SND1: variants seen among roughly 807,000 people sequenced by gnomAD.
SND1 encodes the protein staphylococcal nuclease domain-containing protein 1.
In SND1, 38 loss-of-function variants were observed where a neutral mutation model predicts 121.7. The ratio of observed to expected loss-of-function variants is 0.31; its 90% CI spans 0.24 to 0.41. The LOEUF (loss-of-function observed/expected upper bound fraction) is 0.41, where lower values mean the gene tolerates loss of function less well. Among genes scored for constraint, SND1 ranks in the 10% least tolerant of loss-of-function variants. The pLI is 1.00. For missense variants in SND1, 868 were observed against 1,184.6 expected (o/e 0.73, Z 3.92); for synonymous variants, 401 against 447.4 (o/e 0.90, Z 1.31).
chr7:128,091,744 G>A, intron 22 of SND1, 93 bp from the exon 23 acceptor site: 2 of 1,322,596 alleles, frequency 1.5e-6, no homozygotes, highest in Non-Finnish European at 1.1e-6. Flanking sequence ...GCAAGGGAGA[G>A]CTCTGGCGCT....
At chr7:127,873,084 C>T (rs563579333) in intron 12 of SND1, among the ~76,000 whole-genome samples, 5 of 152,256 alleles carry the variant, frequency 3.3e-5, no homozygotes, top group Admixed American at 1.3e-4. Flanking sequence ...ATGCCGTTCA[C>T]GGATATTTCT....
intron 9 of SND1, 59 bp from the exon 10 acceptor site, chr7:127,721,228 C>G: frequency 8.3e-7 from 1 of 1,202,638 alleles, no homozygotes; most frequent in Non-Finnish European, 1.2e-6. Flanking sequence ...GGGCCTTGCT[C>G]TTGGACATGT....
chr7:127,915,432 C>G (rs1195834680), intron 14 of SND1, among the ~76,000 whole-genome samples: 1 of 152,220 alleles, frequency 6.6e-6, no homozygotes, highest in Non-Finnish European at 1.5e-5. Context: ...AGTTCTTTTA[C>G]TGCCTCTTTA....
Position 128,029,989 on chromosome 7 carries a change from C to G in SND1, c.1779+38933C>G. The G allele has an allele frequency of 6.2e-7, 1 of 1,613,144 alleles. No homozygotes were observed. Among genetic ancestry groups the G allele is most frequent in the South Asian group, 1.1e-5 (1 of 91,084 alleles). ...GACATCTCCAGCTCCTCCAGCCCCA[C>G]CAGGGGGGTGAGATTGGGCATGTCT... is the stretch of plus-strand genomic sequence containing the variant. On this transcript the variant is annotated intron_variant, in intron 16 of 23. Transcript: ENST00000354725. The surrounding 1 kb of genome is among the most constrained non-coding windows in gnomAD (Gnocchi z 4.2).
At chr7:127,738,818 G>T (rs1796825965) in intron 10 of SND1, among the ~76,000 whole-genome samples, 1 of 152,038 alleles carries the variant, frequency 6.6e-6, no homozygotes. Context: ...TGCTTTAGGG[G>T]GTCACCCTGT....
At chr7:127,914,794 A>C (rs1800537092) in intron 14 of SND1, among the ~76,000 whole-genome samples, 1 of 152,148 alleles carries the variant, frequency 6.6e-6, no homozygotes, top group Admixed American at 6.5e-5. Context: ...CACTGGCTCT[A>C]ACATTAGATT....
At chr7:127,771,634 A>AC (rs1225282865) in intron 10 of SND1, among the ~76,000 whole-genome samples, 1 of 152,016 alleles carries the variant, frequency 6.6e-6, no homozygotes, top group Non-Finnish European at 1.5e-5. Context: ...CTTAAAAAGC[A>AC]CCCCCCTATA....
At chr7:127,867,232 A>G (rs1278611866) in intron 12 of SND1, among the ~76,000 whole-genome samples, 1 of 152,058 alleles carries the variant, frequency 6.6e-6, no homozygotes, top group East Asian at 1.9e-4. Context: ...CTTTACTTTT[A>G]CTTGACCTCT....
intron 10 of SND1, among the ~76,000 whole-genome samples, chr7:127,753,394 ATGT>A (rs1198616468): frequency 6.6e-6 from 1 of 152,002 alleles, no homozygotes; most frequent in African/African-American, 2.4e-5. Flanking sequence ...TAGGAGGCAG[ATGT>A]TGTTTGTAGG....
intron 10 of SND1, among the ~76,000 whole-genome samples, chr7:127,793,961 T>TAA (rs1486408713): frequency 2.0e-5 from 3 of 152,310 alleles, no homozygotes; most frequent in Admixed American, 2.0e-4. Flanking sequence ...TATATATATA[T>TAA]AATGAAATTG....
At chr7:128,026,017 A>G (rs1413843940) in intron 16 of SND1, among the ~76,000 whole-genome samples, 5 of 121,908 alleles carry the variant, frequency 4.1e-5, no homozygotes, top group Non-Finnish European at 7.7e-5. Flanking sequence ...AATAGCTGTC[A>G]AAAAAAAAAA....
chr7:127,943,993 C>G (rs997464522), intron 15 of SND1, among the ~76,000 whole-genome samples: 8 of 152,238 alleles, frequency 5.3e-5, no homozygotes, highest in African/African-American at 1.9e-4. Flanking sequence ...CCTCAGCTGC[C>G]AAGCCATCCA....
In SND1 at chr7:127,703,179, A is replaced by G. The variant is rs1359831641; in HGVS notation, c.696A>G (p.Arg232=). The change falls in exon 7 of 24, where the codon CGA becomes CGG. Residue 232 remains arginine, a synonymous_variant. Coordinates refer to ENST00000354725, the MANE Select transcript of SND1 (RefSeq NM_014390.4). The stretch of plus-strand genomic sequence containing the variant: ...CTTTGCTTTAGTGCCCAACTTTTCG[A>G]CGGGAAGCAGATGGCAGTGAAACTC... The part of the protein sequence containing the change: ...MLSGIKCPTF[R]READGSETPE... The G allele has an allele frequency of 1.2e-6, 2 of 1,614,060 alleles. No individual in the cohort carries two copies. Among genetic ancestry groups the G allele is most frequent in the Admixed American group, 3.3e-5 (2 of 60,028 alleles).
intron 9 of SND1, among the ~76,000 whole-genome samples, chr7:127,714,912 G>A (rs978001394): frequency 1.3e-5 from 2 of 152,106 alleles, no homozygotes; most frequent in African/African-American, 4.8e-5. Context: ...GGACACACTT[G>A]GGTTGCTTCT....
intron 10 of SND1, among the ~76,000 whole-genome samples, chr7:127,731,250 C>T (rs1434739636): frequency 6.6e-6 from 1 of 152,228 alleles, no homozygotes; most frequent in Admixed American, 6.5e-5. Flanking sequence ...CTGTGCTCTG[C>T]ACAGGAGAAT....
chr7:127,990,970 C>T lies in SND1; in HGVS notation c.1693C>T (p.Arg565Ter). The change falls in exon 16 of 24, where the codon CGA becomes TGA. Residue 565 changes from arginine to a stop codon, truncating the protein, a stop_gained. Transcript: ENST00000354725. LOFTEE classifies it high-confidence loss of function. The stretch of plus-strand genomic sequence containing the variant: ...AGGCATTGAATGCCCCAGAGGAGCC[C>T]GAAACCTCCCAGGCTTGGTGCAGGA... ...LAGIECPRGA[R>*]NLPGLVQEGE... 2 of 1,613,758 alleles carry T rather than the reference C, an allele frequency of 1.2e-6. No homozygotes were observed. The highest frequency in any genetic ancestry group is 1.7e-6 in the Non-Finnish European group (2 of 1,179,888).
At chr7:127,697,157 C>T (rs1394848348) in intron 3 of SND1, among the ~76,000 whole-genome samples, 1 of 152,134 alleles carries the variant, frequency 6.6e-6, no homozygotes, top group Non-Finnish European at 1.5e-5. Flanking sequence ...ACAATATAAT[C>T]ACCCACCTGC....
chr7:127,828,709 G>A (rs1798686738), intron 11 of SND1, among the ~76,000 whole-genome samples: 1 of 152,132 alleles, frequency 6.6e-6, no homozygotes, highest in Non-Finnish European at 1.5e-5. Flanking sequence ...TCTTGGGCTG[G>A]TCTTTTGATA....
intron 3 of SND1, among the ~76,000 whole-genome samples, chr7:127,698,436 C>T (rs1396016295): frequency 6.6e-6 from 1 of 152,192 alleles, no homozygotes; most frequent in Non-Finnish European, 1.5e-5. Context: ...AAGGCAAGTG[C>T]TCTCCCCACT....
Sources: gnomAD v4.1 joint callset for allele counts (sites outside exome capture counted in the v4.1 genomes callset) on GRCh38, gnomAD v4.1.1 for gene constraint, Gnocchi (gnomAD v3.1) non-coding constraint, MANE v1.5 for transcripts, NCBI Gene and HGNC (gene_info 2026-07-23, HGNC 2026-07-21) for gene names.